Variants in BUB1B observed in about 807,000 individuals in gnomAD.
The protein encoded by BUB1B is mitotic checkpoint serine/threonine-protein kinase BUB1 beta.
Under a neutral mutation model 137.7 loss-of-function variants are expected in BUB1B, and 86 were observed. That is an observed-to-expected ratio of 0.62 (90% CI 0.52 to 0.75). The LOEUF is 0.75. Ranked by LOEUF, BUB1B falls within the 30% of genes least tolerant of loss-of-function variation. BUB1B has a pLI of 0.00. For synonymous variants in BUB1B, 420 were observed against 417.9 expected (o/e 1.00, Z -0.06); for missense variants, 1,130 against 1,236.9 (o/e 0.91, Z 1.30).
rs117271829 is a variant in BUB1B at position 40,172,781 on chromosome 15, G to A, written c.384+2100G>A. ...GTATCTTGATTTCCTCAGGACATTC[G>A]ACAAATATTTTTACATCCTTAGTGA... is the stretch of plus-strand genomic sequence containing the variant. On this transcript the variant is annotated intron_variant, in intron 4 of 22. Transcript: ENST00000287598. Among the ~76,000 whole-genome samples the A allele has an allele frequency of 3.7e-3, 567 of 152,192 alleles. 1 individual carries two copies. The highest frequency in any genetic ancestry group is 6.2e-3 in the Non-Finnish European group (420 of 67,992).
intron 6 of BUB1B, 124 bp from the exon 7 acceptor site, chr15:40,185,041 C>CTTTT: frequency 3.3e-6 from 2 of 599,128 alleles, no homozygotes; most frequent in Non-Finnish European, 5.4e-6. Context: ...TTTAAAATTT[C>CTTTT]TTTTTTTTTT....
chr15:40,217,321 T>A (rs779302164), intron 20 of BUB1B, 175 bp from the exon 21 acceptor site: 5 of 653,812 alleles, frequency 7.6e-6, no homozygotes, highest in South Asian at 3.5e-5. Context: ...TCCTTCCGCA[T>A]TGGGTGGACA....
chr15:40,165,270 TGAGA>T (rs2037082519), intron 2 of BUB1B, 74 bp downstream of exon 2: 3 of 1,597,622 alleles, frequency 1.9e-6, no homozygotes, highest in Non-Finnish European at 2.6e-6. Context: ...TGTGGATCCA[TGAGA>T]GATGGCATAA....
chr15:40,194,212 G>A (rs2037471575), intron 8 of BUB1B, among the ~76,000 whole-genome samples: 1 of 151,808 alleles, frequency 6.6e-6, no homozygotes, highest in Non-Finnish European at 1.5e-5. Flanking sequence ...GGTTGATTTT[G>A]TATACTGATC....
At chr15:40,199,524 A>G (rs1486213848) in intron 9 of BUB1B, 91 bp from the exon 10 acceptor site, 4 of 898,198 alleles carry the variant, frequency 4.5e-6, no homozygotes, top group Non-Finnish European at 7.4e-6. Flanking sequence ...TATTAGTAAC[A>G]TATATGTTGA....
chr15:40,214,694 C>T lies in BUB1B; in HGVS notation c.2678+1220C>T, dbSNP rs7180184. Among the ~76,000 whole-genome samples, 440 of 152,296 alleles carry T rather than the reference C, an allele frequency of 2.9e-3. 11 individuals carry two copies. In the East Asian group the frequency reaches 0.052, roughly 18 times the overall value. Reference sequence around the variant, plus strand: ...AAAGAACCAGAGAATCCCACCTTCTCCCCTGAGATAGCAGAGTCAAAGGCT... The same window carrying T: ...AAAGAACCAGAGAATCCCACCTTCTTCCCTGAGATAGCAGAGTCAAAGGCT... On this transcript the variant is annotated intron_variant, in intron 20 of 22. Coordinates refer to ENST00000287598, the MANE Select transcript of BUB1B (RefSeq NM_001211.6).
intron 8 of BUB1B, among the ~76,000 whole-genome samples, chr15:40,190,425 A>G (rs958818867): frequency 1.3e-5 from 2 of 152,056 alleles, no homozygotes; most frequent in Admixed American, 6.6e-5. Flanking sequence ...CAGCCTGAGC[A>G]ATATAGTGAG....
intron 10 of BUB1B, 59 bp downstream of exon 10, chr15:40,199,786 T>C (rs2037542512): frequency 1.5e-6 from 2 of 1,324,178 alleles, no homozygotes; most frequent in Non-Finnish European, 1.1e-6. Flanking sequence ...TTAAACATTA[T>C]AAAAATATAG....
chr15:40,213,314 C>A lies in BUB1B; in HGVS notation c.2536-18C>A. The A allele has an allele frequency of 6.2e-7, 1 of 1,613,096 alleles. No homozygotes were observed. The highest frequency in any genetic ancestry group is 2.2e-5 in the East Asian group (1 of 44,854). On this transcript the variant is annotated intron_variant, in intron 19 of 22. Coordinates refer to ENST00000287598, the MANE Select transcript of BUB1B (RefSeq NM_001211.6). The stretch of plus-strand genomic sequence containing the variant: ...CCAAACTTGAGAAATAGTGAGTTTT[C>A]TGTCCTTCAATTTCCAGGATCTTCT...
chr15:40,218,987 C>T (rs2037845803), intron 22 of BUB1B, among the ~76,000 whole-genome samples: 1 of 152,246 alleles, frequency 6.6e-6, no homozygotes, highest in South Asian at 2.1e-4. Flanking sequence ...TCTCGGCTCA[C>T]TGCAACCTCT....
chr15:40,202,887 T>C (rs1333069487), intron 14 of BUB1B, among the ~76,000 whole-genome samples, 193 bp downstream of exon 14: 2 of 152,222 alleles, frequency 1.3e-5, no homozygotes, highest in Non-Finnish European at 2.9e-5. Flanking sequence ...CTAGGATAGC[T>C]ATAATAAAAA....
At position 40,177,199 on chromosome 15, in the gene BUB1B, G is replaced by A. The variant is rs188376789; in HGVS notation, c.581+526G>A. On this transcript the variant is annotated intron_variant, in intron 5 of 22. Transcript: ENST00000287598. The stretch of plus-strand genomic sequence containing the variant: ...GCCTGGTCTGTTCATTTTCTTAACT[G>A]TCTTTTTTAGAACAGAAGTTTTTAA... Among the ~76,000 whole-genome samples the A allele has an allele frequency of 2.0e-5, 3 of 152,246 alleles. No homozygotes were observed. In the East Asian group the frequency reaches 5.8e-4, roughly 29 times the overall value.
chr15:40,176,501 G>C lies in BUB1B; in HGVS notation c.409G>C (p.Asp137His). The stretch of plus-strand genomic sequence containing the variant: ...GGGGCGTTTATGCAATGAGCCTTTG[G>C]ATATGTACAGTTACTTGCACAACCA... ...KLGRLCNEPL[D>H]MYSYLHNQGI... Residue 137 changes from aspartate (D) to histidine (H), a missense_variant, in exon 5 of 23, where the codon GAT (aspartate) becomes CAT (histidine). Coordinates refer to ENST00000287598, the MANE Select transcript of BUB1B (RefSeq NM_001211.6). 6.2e-7 allele frequency: 1 copy of C among 1,614,100 alleles called. No individual in the cohort carries two copies. The highest frequency in any genetic ancestry group is 1.1e-5 in the South Asian group (1 of 91,082).
chr15:40,217,763 C>T (rs2037818078), intron 21 of BUB1B, 96 bp downstream of exon 21: 2 of 1,397,468 alleles, frequency 1.4e-6, no homozygotes, highest in East Asian at 2.3e-5. Context: ...CTGATACCGA[C>T]TCCTAGAATA....
chr15:40,166,067 G>C (rs999362100), intron 2 of BUB1B, among the ~76,000 whole-genome samples: 11 of 152,078 alleles, frequency 7.2e-5, no homozygotes, highest in African/African-American at 2.7e-4. Context: ...TGGCTGTGCT[G>C]GTCTTGAACT....
intron 12 of BUB1B, 106 bp downstream of exon 12, chr15:40,201,086 G>A (rs1348260269): frequency 1.9e-6 from 2 of 1,046,008 alleles, no homozygotes; most frequent in African/African-American, 3.2e-5. Flanking sequence ...AAGACAGGGG[G>A]ACTAGGATAC....
At chr15:40,199,500 A>G (rs2037537577) in intron 9 of BUB1B, 115 bp from the exon 10 acceptor site, 11 of 777,780 alleles carry the variant, frequency 1.4e-5, no homozygotes, top group Non-Finnish European at 2.5e-5. Context: ...TTCCACTTAA[A>G]TCATTTTCAT....
intron 20 of BUB1B, among the ~76,000 whole-genome samples, chr15:40,217,229 A>AT (rs776782763): frequency 1.3e-5 from 2 of 152,214 alleles, no homozygotes; most frequent in Non-Finnish European, 2.9e-5. Context: ...CTTACTTTAT[A>AT]TAATATGGAA....
rs554894259 is a variant in BUB1B, at chr15:40,175,236, TTAAA to T, written c.385-1238_385-1235del. 1.7e-3 allele frequency among the ~76,000 whole-genome samples: 264 copies of T among 152,294 alleles called. 1 individual carries two copies. Among genetic ancestry groups the T allele is most frequent in the African/African-American group, 6.1e-3 (252 of 41,568 alleles). On this transcript the variant is annotated intron_variant, in intron 4 of 22. Coordinates refer to ENST00000287598, the MANE Select transcript of BUB1B (RefSeq NM_001211.6). Reference sequence around the variant, plus strand: ...ATAATTGGGCAAAATTAGAAGTTGTTTAAATATCCAGAAGTAGATGAACAATTAA... The same window carrying T: ...ATAATTGGGCAAAATTAGAAGTTGTTTATCCAGAAGTAGATGAACAATTAA...
Sources: gnomAD v4.1 joint callset for allele counts (sites outside exome capture counted in the v4.1 genomes callset) on GRCh38, gnomAD v4.1.1 for gene constraint, MANE v1.5 for transcripts, NCBI Gene and HGNC (gene_info 2026-07-23, HGNC 2026-07-21) for gene names.